Variants in DUSP15 observed in about 807,000 individuals in gnomAD.
DUSP15 encodes dual specificity protein phosphatase 15.
In DUSP15, 23 loss-of-function variants were observed where a neutral mutation model predicts 26.3. The observed-to-expected ratio is 0.87, with a 90% CI of 0.63 to 1.24. The LOEUF (loss-of-function observed/expected upper bound fraction) is 1.24, where lower values mean the gene tolerates loss of function less well. DUSP15 is among the 50% of genes most tolerant of loss of function. DUSP15 has a pLI of 0.00. For synonymous variants in DUSP15, 143 were observed against 135.5 expected (o/e 1.06, Z -0.39); for missense variants, 364 against 320.6 (o/e 1.14, Z -1.03).
At chr20:31,864,021 A>T in intron 4 of DUSP15, 40 bp from the exon 5 acceptor site, 1 of 1,610,674 alleles carries the variant, frequency 6.2e-7, no homozygotes. Flanking sequence ...ACTGCAGGGC[A>T]GACCTCTCAG....
In DUSP15 at chr20:31,870,259, G is replaced by C. The variant is rs1043872381; in HGVS notation, c.21+58C>G. The C allele has an allele frequency of 8.2e-7, 1 of 1,225,774 alleles. No individual in the cohort carries two copies. The highest frequency in any genetic ancestry group is 1.6e-5 in the African/African-American group (1 of 63,984). The allele number at this position is 1,225,774 out of a possible 1,614,324, so 75.9% of individuals were successfully genotyped here. On this transcript the variant is annotated intron_variant, in intron 1 of 6. Transcript: ENST00000339738. This position sits in a 1 kb window ranked among gnomAD's most constrained non-coding sequence, Gnocchi z 6.6. ...AGGCGGGCGGACCGAGCTGGTCAGC[G>C]CCGGGCCGCGGCGGCCGGGGCGGGG...
At chr20:31,857,752 A>C (rs1486467542), downstream of DUSP15, among the ~76,000 whole-genome samples, 2 of 152,130 alleles carry the variant, frequency 1.3e-5, no homozygotes, top group Non-Finnish European at 2.9e-5. Context: ...GAAAGGAGCC[A>C]GTTTGGAAGA....
Position 31,869,948 on chromosome 20 carries a change from G to A in DUSP15, c.22-351C>T, listed in dbSNP as rs182253273. ...GGGGCTGGGGAGGCAGAAAGGCAAT[G>A]ACAGGCAGAGGCGGGACAGGATGGA... On this transcript the variant is annotated intron_variant, in intron 1 of 6. Transcript: ENST00000339738. 3.0e-4 allele frequency: 408 copies of A among 1,355,266 alleles called. 2 individuals carry two copies. In the East Asian group the frequency reaches 9.5e-3, roughly 31 times the overall value. The allele number at this position is 1,355,266 out of a possible 1,614,324, so 84.0% of individuals were successfully genotyped here. A position where few individuals can be genotyped will look rare whatever the true frequency, so the allele number is the denominator to read the frequency against.
rs760805243 is a variant in DUSP15, at chr20:31,848,932, CTG to C, written c.629-31_629-30del. 3 of 1,584,450 alleles carry C rather than the reference CTG, an allele frequency of 1.9e-6. No individual in the cohort carries two copies. In the African/African-American group the frequency reaches 4.1e-5, roughly 21 times the overall value. On this transcript the variant is annotated intron_variant, in intron 8 of 9. Transcript: ENST00000278979. Reference sequence around the variant, plus strand: ...CAGGTGGGCACACAATTATACGACACTGAGACTATAGGGACTGGGCAAGAACT... The same window carrying C: ...CAGGTGGGCACACAATTATACGACACAGACTATAGGGACTGGGCAAGAACT...
exon 8 of DUSP15, chr20:31,849,852 G>C: frequency 6.6e-7 from 1 of 1,513,826 alleles, no homozygotes; most frequent in Non-Finnish European, 8.8e-7. Context: ...GCGGAGAGAA[G>C]AGCCACACGT....
rs772239871 is a variant in DUSP15 at position 31,862,572 on chromosome 20, T to G, written c.434A>C (p.Lys145Thr). 6.2e-7 allele frequency: 1 copy of G among 1,605,908 alleles called. No homozygotes were observed. The highest frequency in any genetic ancestry group is 8.5e-7 in the Non-Finnish European group (1 of 1,174,506). Residue 145 changes from lysine to threonine, a missense_variant and splice_region_variant, in exon 6 of 7, where the codon AAG (lysine) becomes ACG (threonine). By Grantham distance (78) the Lys-to-Thr change is moderately conservative (BLOSUM62 -1). Transcript: ENST00000339738. ...CCCAGCCCTTGACCCCATCCCTACC[T>G]TCTGGGAACTGGCCCAGCCAAACTC... ...LEEFGWASSQ[K>T]LRRQLEERFG... is the part of the protein sequence containing the mutation.
rs1037450260 is a variant in DUSP15, at chr20:31,851,319, C to T, written c.427-643G>A. ...TGAGCACAGAGCAATGAGCTGTCGACGATGGCGGAAAGGTGATGGGGTGGA... is the reference window on the plus strand; with the variant it reads ...TGAGCACAGAGCAATGAGCTGTCGATGATGGCGGAAAGGTGATGGGGTGGA... On this transcript the variant is annotated intron_variant, in intron 6 of 9. Transcript: ENST00000278979. 6.6e-5 allele frequency among the ~76,000 whole-genome samples: 10 copies of T among 151,618 alleles called. No individual in the cohort carries two copies. The South Asian group carries it at 1.9e-3, about 28-fold the overall frequency.
At position 31,850,855 on chromosome 20, in the gene DUSP15, G is replaced by T. The variant is rs370402058; in HGVS notation, c.427-179C>A. 1.9e-4 allele frequency among the ~76,000 whole-genome samples: 29 copies of T among 152,296 alleles called. 2 individuals carry two copies. The East Asian group carries it at 2.1e-3, about 11-fold the overall frequency. On this transcript the variant is annotated intron_variant, in intron 6 of 9. Transcript: ENST00000278979. ...GAACCCTGCTGGGCCAGCCTGTGGG[G>T]CCACTCCTTGTCCTCATCCTCTGTG...
rs57662463 is a variant in DUSP15, at chr20:31,867,631, G to GTTTTTTT, written c.56-485_56-479dup. 1.1e-3 allele frequency among the ~76,000 whole-genome samples: 87 copies of GTTTTTTT among 77,642 alleles called. 11 individuals are homozygous for GTTTTTTT. The East Asian group carries it at 0.014, about 12-fold the overall frequency. 50.9% of individuals were successfully genotyped at this position (77,642 alleles called of 152,430 possible). A position where few individuals can be genotyped will look rare whatever the true frequency, so the allele number is the denominator to read the frequency against. On this transcript the variant is annotated intron_variant, in intron 2 of 6. Coordinates refer to ENST00000339738, the MANE Select transcript of DUSP15 (RefSeq NM_080611.5). The stretch of plus-strand genomic sequence containing the variant: ...GCTGATGTGCAATGATGCCCACAAT[G>GTTTTTTT]TTTTTTTTTTTTTTTTTTTTTTTTT...
downstream of DUSP15, among the ~76,000 whole-genome samples, chr20:31,856,926 G>T (rs947103805): frequency 2.0e-5 from 3 of 152,062 alleles, no homozygotes; most frequent in Non-Finnish European, 1.5e-5. Flanking sequence ...CCAGATGGGA[G>T]TGTTTCAAGG....
At chr20:31,855,735 C>T (rs2123213110) in intron 6 of DUSP15, among the ~76,000 whole-genome samples, 1 of 152,352 alleles carries the variant, frequency 6.6e-6, no homozygotes, top group African/African-American at 2.4e-5. Flanking sequence ...ATGTGCCAGG[C>T]ACAGTGCTTG....
chr20:31,869,848 G>A, intron 1 of DUSP15: 1 of 1,416,958 alleles, frequency 7.1e-7, no homozygotes, highest in Non-Finnish European at 9.2e-7. Context: ...TATGAGAGGG[G>A]AGAGGAGGAA....
In DUSP15 at chr20:31,861,194, G is replaced by A; in HGVS notation, c.*209C>T. On this transcript the variant is annotated 3_prime_UTR_variant, in exon 7 of 7. Coordinates refer to ENST00000339738, the MANE Select transcript of DUSP15 (RefSeq NM_080611.5). Reference sequence around the variant, plus strand: ...CCCAGCCCAAGGACTAAGGCACCAGGTGGCTGCAGCAGGCCGGCCCGGACA... The same window carrying A: ...CCCAGCCCAAGGACTAAGGCACCAGATGGCTGCAGCAGGCCGGCCCGGACA... 2 of 1,350,008 alleles carry A rather than the reference G, an allele frequency of 1.5e-6. No homozygotes were observed. Among genetic ancestry groups the A allele is most frequent in the Non-Finnish European group, 1.9e-6 (2 of 1,057,562 alleles). 83.6% of individuals were successfully genotyped at this position (1,350,008 alleles called of 1,614,324 possible). A position where few individuals can be genotyped will look rare whatever the true frequency, so the allele number is the denominator to read the frequency against.
In DUSP15 at chr20:31,870,456, G is replaced by A; in HGVS notation, c.-119C>T. On this transcript the variant is annotated 5_prime_UTR_variant, in exon 1 of 7. Transcript: ENST00000339738. This position sits in a 1 kb window ranked among gnomAD's most constrained non-coding sequence, Gnocchi z 6.6. ...CAGCCTGGCGGGGAACGGGGGGCCT[G>A]GCGTCCGCGGCCCTGCCCAGCCCTG... The A allele has an allele frequency of 1.6e-6, 2 of 1,282,962 alleles. No individual in the cohort carries two copies. Among genetic ancestry groups the A allele is most frequent in the African/African-American group, 1.5e-5 (1 of 64,728 alleles). The allele number at this position is 1,282,962 out of a possible 1,614,324, so 79.5% of individuals were successfully genotyped here.
chr20:31,846,053 GAGACACACAGACATACACGTAC>G (rs2062373006), downstream of DUSP15, among the ~76,000 whole-genome samples: 2 of 151,784 alleles, frequency 1.3e-5, no homozygotes, highest in Admixed American at 1.3e-4. Context: ...CACTCACAGA[GAGACACACAGACATACACGTAC>G]AGACACACAG....
downstream of DUSP15, among the ~76,000 whole-genome samples, chr20:31,858,672 T>C (rs1017274920): frequency 9.2e-5 from 14 of 152,184 alleles, no homozygotes; most frequent in African/African-American, 3.4e-4. This position sits in a 1 kb window ranked among gnomAD's most constrained non-coding sequence, Gnocchi z 4.4. Flanking sequence ...AGACACAGCT[T>C]TGCCCCAGTC....
chr20:31,869,985 G>A (rs2062885056), intron 1 of DUSP15: 2 of 1,343,026 alleles, frequency 1.5e-6, no homozygotes, highest in African/African-American at 1.5e-5. Context: ...AAACAGCCCC[G>A]GAGAGAGCCG....
chr20:31,869,147 A>G (rs1260728679), intron 2 of DUSP15, among the ~76,000 whole-genome samples: 1 of 152,192 alleles, frequency 6.6e-6, no homozygotes, highest in Non-Finnish European at 1.5e-5. Context: ...GCACCCGCAA[A>G]CAGACCTCAA....
chr20:31,870,542 C>CGCT, upstream of DUSP15: 1 of 1,452,692 alleles, frequency 6.9e-7, no homozygotes, highest in Non-Finnish European at 9.0e-7. This position sits in a 1 kb window ranked among gnomAD's most constrained non-coding sequence, Gnocchi z 6.6. Flanking sequence ...GTGGAGCCGC[C>CGCT]GCTGCCACCG....
Sources: allele counts gnomAD v4.1 joint callset (sites outside exome capture counted in the v4.1 genomes callset), GRCh38; gene constraint gnomAD v4.1.1; non-coding constraint Gnocchi (gnomAD v3.1); transcripts MANE v1.5; gene names NCBI Gene and HGNC (gene_info 2026-07-23, HGNC 2026-07-21).